The following REPS2 variants were observed in gnomAD, a reference collection of about 807,000 sequenced individuals.
REPS2 encodes RALBP1 associated Eps domain containing 2.
REPS2 carries 23 observed loss-of-function variants against 53.6 expected under a neutral mutation model. That is an observed-to-expected ratio of 0.43 (90% confidence interval 0.31 to 0.61). The LOEUF (loss-of-function observed/expected upper bound fraction) is 0.61, where lower values mean the gene tolerates loss of function less well. Among genes scored for constraint, REPS2 ranks in the 20% least tolerant of loss-of-function variants. The probability of loss-of-function intolerance (pLI) is 0.11; values close to 1 mark genes in which losing one functional copy is unlikely to be tolerated. For synonymous variants in REPS2, 238 were observed against 218.6 expected, an observed-to-expected ratio of 1.09 and a Z score of -0.78; for missense variants, 446 against 534.9, an observed-to-expected ratio of 0.83 and a Z score of 1.64.
chrX:17,132,859 CA>C (rs2063312746), intron 14 of REPS2, among the ~76,000 whole-genome samples: 1 of 112,480 alleles, frequency 8.9e-6, no homozygotes, highest in Non-Finnish European at 1.9e-5. Context: ...CTATTAGTGA[CA>C]TATACCCCTT....
At chrX:16,959,341 C>T (rs963330579) in intron 1 of REPS2, among the ~76,000 whole-genome samples, 4 of 112,255 alleles carry the variant, frequency 3.6e-5, no homozygotes, top group African/African-American at 1.3e-4. Flanking sequence ...AAGTGATCCT[C>T]CCACCTTGGC....
intron 14 of REPS2, among the ~76,000 whole-genome samples, chrX:17,118,220 A>T (rs1472241992): frequency 9.2e-6 from 1 of 109,023 alleles, no homozygotes; most frequent in East Asian, 2.9e-4. Flanking sequence ...CGGCCTCCCA[A>T]AGTGCTGGGA....
intron 13 of REPS2, among the ~76,000 whole-genome samples, chrX:17,082,928 A>G (rs1330797975): frequency 9.0e-6 from 1 of 111,175 alleles, no homozygotes; most frequent in African/African-American, 3.3e-5. Flanking sequence ...CTTTAGCTGC[A>G]ATGATGGTAT....
chrX:16,951,559 A>ACACACCC (rs879259718), intron 1 of REPS2, among the ~76,000 whole-genome samples: 407 of 37,502 alleles, frequency 0.011, 4 homozygotes, highest in Admixed American at 0.023. Flanking sequence ...ACACACACAC[A>ACACACCC]CCCCCGCTAC....
intron 14 of REPS2, 136 bp from the exon 15 acceptor site, chrX:17,133,688 C>T: frequency 1.9e-6 from 1 of 535,329 alleles, no homozygotes; most frequent in South Asian, 2.8e-5. Context: ...CAAGGATCAG[C>T]AGACTTAAGC....
chrX:16,974,498 C>CA (rs758194102), intron 1 of REPS2, among the ~76,000 whole-genome samples: 4 of 109,453 alleles, frequency 3.7e-5, no homozygotes, highest in Non-Finnish European at 3.8e-5. Flanking sequence ...ATACAAAAAA[C>CA]AAAAAAAATT....
At position 16,946,753 on chromosome X, in the gene REPS2, T is replaced by TGGCGGCGGC. The variant is rs746608999; in HGVS notation, c.-96_-88dup. On this transcript the variant is annotated 5_prime_UTR_variant, in exon 1 of 18. Coordinates refer to ENST00000357277, the MANE Select transcript of REPS2 (RefSeq NM_004726.3). ...GGGGTGGTGGTGGCGGCGGCGGTGG[T>TGGCGGCGGC]GGCGGCGGCGGCGGCGGCGGCAGCT... 3.8e-4 allele frequency: 272 copies of TGGCGGCGGC among 722,247 alleles called. 2 individuals carry two copies. Among genetic ancestry groups the TGGCGGCGGC allele is most frequent in the African/African-American group, 3.4e-3 (128 of 37,530 alleles). 59.5% of individuals were successfully genotyped at this position (722,247 alleles called of 1,213,427 possible).
chrX:16,977,053 A>G, intron 1 of REPS2, among the ~76,000 whole-genome samples: 1 of 111,963 alleles, frequency 8.9e-6, no homozygotes, highest in African/African-American at 3.2e-5. Context: ...GTATCTGCCA[A>G]ACCATTTGCA....
chrX:17,080,989 GC>G lies in REPS2; in HGVS notation c.1516+3588del, dbSNP rs1457347513. On this transcript the variant is annotated intron_variant, in intron 13 of 17. Coordinates refer to ENST00000357277, the MANE Select transcript of REPS2 (RefSeq NM_004726.3). The stretch of plus-strand genomic sequence containing the variant: ...TGCTGTTCCTTGTCCCTCCAGCCCC[GC>G]CCCCCATATCCCCTCCTTCTGCCAA... Among the ~76,000 whole-genome samples, 4 of 110,772 alleles carry G rather than the reference GC, an allele frequency of 3.6e-5. No homozygotes were observed. The East Asian group carries it at 1.1e-3, about 31-fold the overall frequency.
the REPS2 span, among the ~76,000 whole-genome samples, chrX:17,180,539 T>C: frequency 9.0e-6 from 1 of 110,988 alleles, no homozygotes; most frequent in Non-Finnish European, 1.9e-5. Context: ...CCAGTCTCGG[T>C]TGATGTTCCA....
intron 1 of REPS2, among the ~76,000 whole-genome samples, chrX:16,975,592 A>G (rs935938646): frequency 2.7e-5 from 3 of 111,583 alleles, no homozygotes; most frequent in Admixed American, 9.6e-5. Flanking sequence ...CAGGCAATGC[A>G]TCAGGAGGCA....
intron 4 of REPS2, among the ~76,000 whole-genome samples, chrX:17,027,735 G>A (rs1227891465): frequency 1.2e-5 from 1 of 85,748 alleles, no homozygotes; most frequent in Non-Finnish European, 2.1e-5. Context: ...TAAACCTCTT[G>A]TAAGGGGATC....
chrX:17,132,916 TTAAAA>T (rs1233960478), intron 14 of REPS2, among the ~76,000 whole-genome samples: 2 of 112,331 alleles, frequency 1.8e-5, no homozygotes, highest in East Asian at 5.6e-4. Context: ...ACAACATGGC[TTAAAA>T]TAAAGGCATA....
intron 1 of REPS2, among the ~76,000 whole-genome samples, chrX:16,951,542 CACACACACACACACACA>C (rs1176198476): frequency 3.7e-5 from 2 of 53,878 alleles, no homozygotes; most frequent in Non-Finnish European, 7.5e-5. Flanking sequence ...CACACACACA[CACACACACACACACACA>C]CCCCCGCTAC....
chrX:17,162,882 G>A, the REPS2 span, among the ~76,000 whole-genome samples: 2 of 111,745 alleles, frequency 1.8e-5, no homozygotes, highest in Non-Finnish European at 3.8e-5. Flanking sequence ...CAAACCATGG[G>A]GAGGAGGAAG....
At chrX:17,182,530 G>A in the REPS2 span, among the ~76,000 whole-genome samples, 4 of 111,946 alleles carry the variant, frequency 3.6e-5, no homozygotes, top group Non-Finnish European at 5.6e-5. Flanking sequence ...ACTCAAGGCT[G>A]CTGCTGGCCA....
chrX:17,158,043 TGA>T (rs2063627646), downstream of REPS2, among the ~76,000 whole-genome samples: 1 of 112,075 alleles, frequency 8.9e-6, no homozygotes, highest in Non-Finnish European at 1.9e-5. Flanking sequence ...TCAGATTCCT[TGA>T]GAGAGACTCA....
chrX:17,029,665 C>A, intron 5 of REPS2, 42 bp downstream of exon 5: 1 of 990,231 alleles, frequency 1.0e-6, no homozygotes, highest in Non-Finnish European at 1.4e-6. Flanking sequence ...ACAGTAGAGT[C>A]AAGCTTTGGG....
intron 1 of REPS2, among the ~76,000 whole-genome samples, chrX:16,996,125 G>A (rs1244987161): frequency 9.0e-6 from 1 of 111,466 alleles, no homozygotes; most frequent in Non-Finnish European, 1.9e-5. Context: ...AGGTAGCTGG[G>A]GATGAGGTGC....
Sources: gnomAD v4.1 joint callset for allele counts (sites outside exome capture counted in the v4.1 genomes callset) on GRCh38, gnomAD v4.1.1 for gene constraint, MANE v1.5 for transcripts, NCBI Gene and HGNC (gene_info 2026-07-23, HGNC 2026-07-21) for gene names.